The following SEMA3A variants were observed in gnomAD, a reference collection of about 807,000 sequenced individuals.
The protein encoded by SEMA3A is semaphorin 3A.
In SEMA3A, 29 loss-of-function variants were observed where a neutral mutation model predicts 97.9. The ratio of observed to expected loss-of-function variants is 0.30; its 90% CI spans 0.22 to 0.40. The LOEUF (loss-of-function observed/expected upper bound fraction) is 0.40. Ranked by LOEUF, SEMA3A falls within the 10% of genes least tolerant of loss-of-function variation. The probability of loss-of-function intolerance (pLI) is 1.00; values close to 1 mark genes in which losing one functional copy is unlikely to be tolerated. For missense variants in SEMA3A, 763 were observed against 951.3 expected, an observed-to-expected ratio of 0.80 and a Z score of 2.60; for synonymous variants, 321 against 323.7, an observed-to-expected ratio of 0.99 and a Z score of 0.09.
chr7:84,110,308 C>A (rs965288970), intron 4 of SEMA3A, among the ~76,000 whole-genome samples, 162 bp downstream of exon 4: 11 of 152,116 alleles, frequency 7.2e-5, no homozygotes, highest in Admixed American at 1.3e-4. Context: ...TGTTCTCATT[C>A]TTTTTGCATT....
intron 3 of SEMA3A, among the ~76,000 whole-genome samples, chr7:84,209,863 A>G (rs10228038): frequency 0.011 from 1,639 of 152,314 alleles, 25 homozygotes; most frequent in African/African-American, 0.038. Context: ...AAAGTCATTT[A>G]CATGCTTCTG....
intron 1 of SEMA3A, among the ~76,000 whole-genome samples, chr7:84,435,749 C>G (rs961196141): frequency 1.3e-5 from 2 of 152,114 alleles, no homozygotes; most frequent in African/African-American, 4.8e-5. Context: ...CCATACCACC[C>G]AAAGCAATCT....
intron 3 of SEMA3A, among the ~76,000 whole-genome samples, chr7:84,229,771 C>T (rs1799074955): frequency 6.6e-6 from 1 of 151,866 alleles, no homozygotes; most frequent in African/African-American, 2.4e-5. Flanking sequence ...GGTATACTTC[C>T]CCACTTTCAT....
At chr7:84,219,759 G>C (rs1798833334) in intron 3 of SEMA3A, among the ~76,000 whole-genome samples, 1 of 152,110 alleles carries the variant, frequency 6.6e-6, no homozygotes, top group African/African-American at 2.4e-5. Context: ...GTATCTTCTG[G>C]ATGACTTGTT....
intron 10 of SEMA3A, among the ~76,000 whole-genome samples, chr7:84,006,769 T>G (rs1442743127): frequency 6.6e-6 from 1 of 152,144 alleles, no homozygotes; most frequent in Non-Finnish European, 1.5e-5. Flanking sequence ...TCAATTTTCT[T>G]TGCCACTAGC....
chr7:84,285,923 T>G (rs1331068839), intron 3 of SEMA3A, among the ~76,000 whole-genome samples: 1 of 144,074 alleles, frequency 6.9e-6, no homozygotes, highest in Non-Finnish European at 1.5e-5. Context: ...GAGTGAGACA[T>G]GATCGACTGC....
chr7:84,011,219 C>T lies in SEMA3A; in HGVS notation c.889G>A (p.Gly297Ser). 1 of 1,613,672 alleles carries T rather than the reference C, an allele frequency of 6.2e-7. No individual in the cohort carries two copies. Among genetic ancestry groups the T allele is most frequent in the Non-Finnish European group, 8.5e-7 (1 of 1,179,630 alleles). The change falls in exon 8 of 17, where the codon GGT (glycine) becomes AGT (serine). Residue 297 changes from glycine (G) to serine (S), a missense_variant. By Grantham distance (56) the Gly-to-Ser change is moderately conservative (BLOSUM62 0). Around this residue, in one of 2 missense-constraint regions of SEMA3A, gnomAD observed 678 missense variants for 881.3 expected, o/e 0.77. Transcript: ENST00000265362. ...LKARLICSVP[G>S]PNGIDTHFDE... is the part of the protein sequence containing the mutation. ...AAATGAGTGTCAATGCCATTTGGAC[C>T]TGGCACTGAGCAAATCAGACGAGCT...
intron 1 of SEMA3A, among the ~76,000 whole-genome samples, chr7:84,477,626 AAAG>A (rs1405486994): frequency 6.6e-6 from 1 of 152,092 alleles, no homozygotes; most frequent in Non-Finnish European, 1.5e-5. Flanking sequence ...TCTTGTGTGA[AAAG>A]AAGGCCTATG....
intron 1 of SEMA3A, among the ~76,000 whole-genome samples, chr7:84,473,601 C>G (rs886311234): frequency 2.0e-5 from 3 of 151,970 alleles, no homozygotes; most frequent in Non-Finnish European, 4.4e-5. Context: ...ACTAACCAGG[C>G]TGGACTCCAA....
intron 4 of SEMA3A, among the ~76,000 whole-genome samples, chr7:84,085,532 C>A (rs572728196): frequency 1.3e-5 from 2 of 151,986 alleles, no homozygotes; most frequent in Non-Finnish European, 2.9e-5. Context: ...CTGAATCATA[C>A]ACTAAAGCTA....
intron 1 of SEMA3A, among the ~76,000 whole-genome samples, chr7:84,391,189 A>C (rs1803564206): frequency 6.6e-6 from 1 of 152,204 alleles, no homozygotes; most frequent in Admixed American, 6.5e-5. Flanking sequence ...CCTTCTAGCA[A>C]AGACTCAATT....
intron 14 of SEMA3A, among the ~76,000 whole-genome samples, chr7:83,980,902 G>A (rs1789388275): frequency 6.6e-6 from 1 of 151,780 alleles, no homozygotes; most frequent in African/African-American, 2.4e-5. Flanking sequence ...AAATTCTTCT[G>A]GACTTTTTAT....
At chr7:84,365,156 T>C (rs1169637705) in intron 2 of SEMA3A, among the ~76,000 whole-genome samples, 1 of 151,450 alleles carries the variant, frequency 6.6e-6, no homozygotes, top group Non-Finnish European at 1.5e-5. Context: ...TTGGGTGGGG[T>C]TTATGCCACA....
At chr7:84,065,095 A>G (rs1350053533) in intron 4 of SEMA3A, among the ~76,000 whole-genome samples, 2 of 146,134 alleles carry the variant, frequency 1.4e-5, no homozygotes, top group African/African-American at 5.1e-5. Context: ...CAATCAAACT[A>G]GAACTCAGGA....
chr7:84,351,443 A>G (rs554556334), intron 2 of SEMA3A, among the ~76,000 whole-genome samples: 1 of 152,256 alleles, frequency 6.6e-6, no homozygotes, highest in African/African-American at 2.4e-5. Flanking sequence ...AAATGTAAAC[A>G]GTATTTTGAA....
chr7:84,420,033 A>C (rs1372264122), intron 1 of SEMA3A, among the ~76,000 whole-genome samples: 1 of 152,152 alleles, frequency 6.6e-6, no homozygotes, highest in East Asian at 1.9e-4. Flanking sequence ...AAAAATAAGA[A>C]AAGTTACTAA....
At chr7:84,291,178 G>T (rs897105574) in intron 3 of SEMA3A, among the ~76,000 whole-genome samples, 1 of 151,862 alleles carries the variant, frequency 6.6e-6, no homozygotes, top group Non-Finnish European at 1.5e-5. Flanking sequence ...TATATTCAAT[G>T]AGCTATAAGA....
chr7:84,405,855 A>T (rs13227195), intron 1 of SEMA3A, among the ~76,000 whole-genome samples: 17,018 of 152,190 alleles, frequency 0.11, 1,196 homozygotes, highest in East Asian at 0.28. Context: ...ACCAATGAGA[A>T]CAAAGACACA....
chr7:84,406,032 G>A (rs373082447), intron 1 of SEMA3A, among the ~76,000 whole-genome samples: 16 of 151,830 alleles, frequency 1.1e-4, no homozygotes, highest in African/African-American at 2.2e-4. Flanking sequence ...AGCAGAAGGC[G>A]AGAAATAACT....
Sources: gnomAD v4.1 joint callset for allele counts (sites outside exome capture counted in the v4.1 genomes callset) on GRCh38, gnomAD v4.1.1 for gene constraint, gnomAD v4.1.1 regional missense constraint, MANE v1.5 for transcripts, NCBI Gene and HGNC (gene_info 2026-07-23, HGNC 2026-07-21) for gene names.